SYT1: variants seen among roughly 807,000 people sequenced by gnomAD.
The protein encoded by SYT1 is synaptotagmin-1.
Under a neutral mutation model 44.8 loss-of-function variants are expected in SYT1, and 8 were observed. The ratio of observed to expected loss-of-function variants is 0.18; its 90% CI spans 0.10 to 0.32. The LOEUF (loss-of-function observed/expected upper bound fraction) is 0.32, where lower values mean the gene tolerates loss of function less well. Among genes scored for constraint, SYT1 ranks in the 10% least tolerant of loss-of-function variants. The probability of loss-of-function intolerance (pLI) is 1.00; values close to 1 mark genes in which losing one functional copy is unlikely to be tolerated. For missense variants in SYT1, 286 were observed against 509.3 expected, an observed-to-expected ratio of 0.56 and a Z score of 4.22; for synonymous variants, 154 against 188.8, an observed-to-expected ratio of 0.82 and a Z score of 1.51.
At chr12:78,963,764 G>A (rs1177617195) in intron 1 of SYT1, among the ~76,000 whole-genome samples, 4 of 151,962 alleles carry the variant, frequency 2.6e-5, no homozygotes, top group South Asian at 4.1e-4. Flanking sequence ...AGCAAGAGGA[G>A]GCTTCTCAGA....
intron 3 of SYT1, among the ~76,000 whole-genome samples, chr12:79,198,876 A>T (rs1873617091): frequency 6.6e-6 from 1 of 152,192 alleles, no homozygotes; most frequent in African/African-American, 2.4e-5. Context: ...GGTTGATAAT[A>T]GCAGGAGACT....
chr12:78,893,463 A>C (rs1316638111), intron 1 of SYT1, among the ~76,000 whole-genome samples: 1 of 151,908 alleles, frequency 6.6e-6, no homozygotes, highest in South Asian at 2.1e-4. Context: ...CATCTGTATT[A>C]AAGAGGAGGA....
At chr12:79,153,284 A>G (rs1280118030) in intron 3 of SYT1, among the ~76,000 whole-genome samples, 2 of 152,192 alleles carry the variant, frequency 1.3e-5, no homozygotes, top group Non-Finnish European at 2.9e-5. Flanking sequence ...TTGGATGCCA[A>G]TCAGATCAAA....
At chr12:79,448,769 A>C (rs1337841033) in intron 10 of SYT1, 149 bp from the exon 11 acceptor site, 1 of 675,298 alleles carries the variant, frequency 1.5e-6, no homozygotes, top group Admixed American at 2.9e-5. Context: ...TTAACGTTTG[A>C]GTATTAAGAT....
chr12:79,058,999 AT>A (rs1288598323), intron 3 of SYT1, among the ~76,000 whole-genome samples: 1 of 152,098 alleles, frequency 6.6e-6, no homozygotes, highest in Admixed American at 6.6e-5. Flanking sequence ...AGACTGGGTA[AT>A]TTATAAAGGA....
chr12:79,264,871 G>C (rs1232863260), intron 4 of SYT1, among the ~76,000 whole-genome samples: 1 of 152,130 alleles, frequency 6.6e-6, no homozygotes, highest in Non-Finnish European at 1.5e-5. Flanking sequence ...GTTTATTCAT[G>C]AATAGCTGTG....
chr12:79,320,096 C>G (rs936087269), intron 8 of SYT1, among the ~76,000 whole-genome samples: 1 of 151,978 alleles, frequency 6.6e-6, no homozygotes, highest in Non-Finnish European at 1.5e-5. Context: ...TTATTAGTAC[C>G]CTCTGGCTGA....
In SYT1 at chr12:79,252,627, G is replaced by T. The variant is rs141496294; in HGVS notation, c.167-33160G>T. Among the ~76,000 whole-genome samples the T allele has an allele frequency of 4.7e-4, 71 of 152,222 alleles. No homozygotes were observed. The East Asian group carries it at 0.013, about 28-fold the overall frequency. On this transcript the variant is annotated intron_variant, in intron 4 of 10. Transcript: ENST00000261205. ...AGGAACAGAAACCAGCAATTTTGCA[G>T]GTGCTCCTGCTCCATCAACCCAGGT... is the stretch of plus-strand genomic sequence containing the variant.
At chr12:79,248,351 TG>T (rs1876977003) in intron 4 of SYT1, among the ~76,000 whole-genome samples, 1 of 152,210 alleles carries the variant, frequency 6.6e-6, no homozygotes, top group South Asian at 2.1e-4. Flanking sequence ...GAGATTGGGT[TG>T]TGCAGGTGAT....
chr12:79,088,869 A>G (rs1877580693), intron 3 of SYT1, among the ~76,000 whole-genome samples: 1 of 151,844 alleles, frequency 6.6e-6, no homozygotes, highest in Non-Finnish European at 1.5e-5. Context: ...AATGGAGTAG[A>G]TATGTGGCAT....
intron 3 of SYT1, among the ~76,000 whole-genome samples, chr12:79,072,041 CAT>C (rs1339820337): frequency 1.3e-5 from 2 of 152,032 alleles, no homozygotes; most frequent in African/African-American, 4.8e-5. Context: ...AATAAAATGA[CAT>C]ATTGTTTTAC....
intron 9 of SYT1, among the ~76,000 whole-genome samples, chr12:79,432,594 A>T (rs1869862954): frequency 6.6e-6 from 1 of 152,156 alleles, no homozygotes; most frequent in African/African-American, 2.4e-5. Context: ...CAGGGAAAGA[A>T]ACTCCCTTAA....
chr12:79,111,634 T>C (rs1296329333), intron 3 of SYT1, among the ~76,000 whole-genome samples: 1 of 152,000 alleles, frequency 6.6e-6, no homozygotes, highest in African/African-American at 2.4e-5. Context: ...TTTCTTATAA[T>C]ACCTCATTCT....
At chr12:79,001,227 A>G (rs1261482930) in intron 2 of SYT1, among the ~76,000 whole-genome samples, 1 of 151,750 alleles carries the variant, frequency 6.6e-6, no homozygotes, top group Non-Finnish European at 1.5e-5. Context: ...GATATTTTGC[A>G]AATTCTTTAC....
intron 9 of SYT1, among the ~76,000 whole-genome samples, chr12:79,408,584 T>C (rs979495464): frequency 2.6e-5 from 4 of 152,090 alleles, no homozygotes; most frequent in African/African-American, 9.7e-5. Context: ...TTCAGTAAGA[T>C]AACAGCCAGG....
chr12:79,243,405 C>A (rs1392993006), intron 4 of SYT1, among the ~76,000 whole-genome samples: 1 of 152,098 alleles, frequency 6.6e-6, no homozygotes, highest in Non-Finnish European at 1.5e-5. Flanking sequence ...TGCAACTTTG[C>A]TGGTAAATTA....
chr12:79,315,787 T>C lies in SYT1; in HGVS notation c.810+16236T>C, dbSNP rs74110325. Among the ~76,000 whole-genome samples, 472 of 152,290 alleles carry C rather than the reference T, an allele frequency of 3.1e-3. 1 individual carries two copies. Among genetic ancestry groups the C allele is most frequent in the African/African-American group, 0.011 (457 of 41,576 alleles). Reference sequence around the variant, plus strand: ...ATGAGGAACCCAGGCCTAGGACATATGCTAGCCAATGAGAGCTCAAGATGT... The same window carrying C: ...ATGAGGAACCCAGGCCTAGGACATACGCTAGCCAATGAGAGCTCAAGATGT... On this transcript the variant is annotated intron_variant, in intron 8 of 10. Transcript: ENST00000261205.
chr12:78,983,221 G>T (rs1031775060), intron 2 of SYT1, among the ~76,000 whole-genome samples: 4 of 151,882 alleles, frequency 2.6e-5, no homozygotes, highest in Admixed American at 1.3e-4. Context: ...TTAAGTGGAA[G>T]GAACAAATAA....
chr12:79,325,954 T>A (rs1189316149), intron 8 of SYT1, among the ~76,000 whole-genome samples: 3 of 152,242 alleles, frequency 2.0e-5, no homozygotes, highest in Non-Finnish European at 4.4e-5. Context: ...ACACATTAAC[T>A]CATTCTGTAA....
Sources: gnomAD v4.1 joint callset for allele counts (sites outside exome capture counted in the v4.1 genomes callset) on GRCh38, gnomAD v4.1.1 for gene constraint, MANE v1.5 for transcripts, NCBI Gene and HGNC (gene_info 2026-07-23, HGNC 2026-07-21) for gene names.